Variants in ZNF785 observed in about 807,000 individuals in gnomAD.
The protein encoded by ZNF785 is zinc finger protein 785.
ZNF785 carries 15 observed loss-of-function variants against 11.3 expected under a neutral mutation model. That is an observed-to-expected ratio of 1.32 (90% CI 0.89 to 2.04). The LOEUF (loss-of-function observed/expected upper bound fraction) is 2.04, where lower values mean the gene tolerates loss of function less well. Ranked by LOEUF, ZNF785 falls within the 30% of genes most tolerant of loss-of-function variation. The pLI, the probability that ZNF785 is intolerant of heterozygous loss-of-function variation, is 0.00. For missense variants in ZNF785, 572 were observed against 560.9 expected (o/e 1.02, Z -0.20); for synonymous variants, 221 against 231.0 (o/e 0.96, Z 0.39).
downstream of ZNF785, among the ~76,000 whole-genome samples, chr16:30,580,423 C>T (rs1232376700): frequency 2.0e-5 from 3 of 147,092 alleles, no homozygotes; most frequent in Admixed American, 6.8e-5. Context: ...GGCGCAGTCT[C>T]GGCTCACTGC....
chr16:30,585,299 T>C lies in ZNF785; in HGVS notation c.206-49A>G, dbSNP rs764719142. 6.2e-7 allele frequency: 1 copy of C among 1,605,082 alleles called. No homozygotes were observed. Among genetic ancestry groups the C allele is most frequent in the Admixed American group, 1.7e-5 (1 of 59,294 alleles). ...CGGCTGAGCGCACGGGAGGGGAGAATGAGACTGCTCCCTCGGCGCCCCGCT... is the reference window on the plus strand; with the variant it reads ...CGGCTGAGCGCACGGGAGGGGAGAACGAGACTGCTCCCTCGGCGCCCCGCT... On this transcript the variant is annotated intron_variant, in intron 1 of 2. Coordinates refer to ENST00000395216, the MANE Select transcript of ZNF785 (RefSeq NM_152458.7). This position sits in a 1 kb window ranked among gnomAD's most constrained non-coding sequence, Gnocchi z 4.0.
downstream of ZNF785, among the ~76,000 whole-genome samples, chr16:30,580,381 G>A (rs1465709263): frequency 7.0e-6 from 1 of 143,556 alleles, no homozygotes; most frequent in Non-Finnish European, 1.5e-5. Flanking sequence ...TTGAGACGGA[G>A]TCTCGCTCTG....
Position 30,585,482 on chromosome 16 carries a change from C to A in ZNF785, c.130G>T (p.Glu44Ter). 6.2e-7 allele frequency: 1 copy of A among 1,603,738 alleles called. No individual in the cohort carries two copies. ...GCCCTCTGCGCTGGCCGCAGGCATTCCCACTCCTCGGGAGAGAAGTACACG... is the reference window on the plus strand; with the variant it reads ...GCCCTCTGCGCTGGCCGCAGGCATTACCACTCCTCGGGAGAGAAGTACACG... ...VAVYFSPEEW[E>*]CLRPAQRALY... Residue 44 changes from glutamate to a stop codon, truncating the protein, a stop_gained, in exon 1 of 3, where the codon GAA (glutamate) becomes TAA (stop). Transcript: ENST00000395216. LOFTEE classifies it high-confidence loss of function. This position sits in a 1 kb window ranked among gnomAD's most constrained non-coding sequence, Gnocchi z 4.0.
rs1045814600 is a variant in ZNF785, at chr16:30,582,920, G to A, written c.858C>T (p.Cys286=). The change falls in exon 3 of 3, where the codon TGC becomes TGT. Residue 286 remains cysteine, a synonymous_variant. Transcript: ENST00000395216. ...AGGCGAAACGGAGGCTGCAATCGGGGCAGCTGTAGGGCTTCTCGCCCGTGT... is the reference window on the plus strand; with the variant it reads ...AGGCGAAACGGAGGCTGCAATCGGGACAGCTGTAGGGCTTCTCGCCCGTGT... ...RKHTGEKPYS[C]PDCSLRFAYT... is the part of the protein sequence containing the mutation. 4.3e-6 allele frequency: 7 copies of A among 1,613,952 alleles called. No homozygotes were observed. The highest frequency in any genetic ancestry group is 1.6e-4 in the Middle Eastern group (1 of 6,062).
At chr16:30,583,612 T>A in intron 2 of ZNF785, 169 bp from the exon 3 acceptor site, 1 of 813,590 alleles carries the variant, frequency 1.2e-6, no homozygotes, top group Non-Finnish European at 1.8e-6. Flanking sequence ...AGGGGCCTCA[T>A]GAAGCCCTGA....
In ZNF785 at chr16:30,585,440, T is replaced by A. The variant is rs2151238534; in HGVS notation, c.172A>T (p.Met58Leu). 2 of 1,600,380 alleles carry A rather than the reference T, an allele frequency of 1.2e-6. No homozygotes were observed. Among genetic ancestry groups the A allele is most frequent in the South Asian group, 2.2e-5 (2 of 89,466 alleles). ...CCCAGGTGGCCGAAGGTCTCCCGCATCACGTCCCGGTACAGGGCCCTCTGC... is the reference window on the plus strand; with the variant it reads ...CCCAGGTGGCCGAAGGTCTCCCGCAACACGTCCCGGTACAGGGCCCTCTGC... ...PAQRALYRDV[M>L]RETFGHLGAL... The change falls in exon 1 of 3, where the codon ATG (methionine) becomes TTG (leucine). Residue 58 changes from methionine (M) to leucine (L), a missense_variant. By Grantham distance (15) the Met-to-Leu change is conservative. Coordinates refer to ENST00000395216, the MANE Select transcript of ZNF785 (RefSeq NM_152458.7). This position sits in a 1 kb window ranked among gnomAD's most constrained non-coding sequence, Gnocchi z 4.0.
chr16:30,585,636 G>A lies in ZNF785; in HGVS notation c.-25C>T, dbSNP rs1426288999. 8 of 1,455,684 alleles carry A rather than the reference G, an allele frequency of 5.5e-6. No individual in the cohort carries two copies. Among genetic ancestry groups the A allele is most frequent in the South Asian group, 1.4e-5 (1 of 70,014 alleles). 90.2% of individuals were successfully genotyped at this position (1,455,684 alleles called of 1,614,324 possible). A position where few individuals can be genotyped will look rare whatever the true frequency, so the allele number is the denominator to read the frequency against. ...TGGGAAACCCTTTCTGCCTGGCAAA[G>A]GGAGGCTTCCGGGGAAGGTGGAGAT... On this transcript the variant is annotated 5_prime_UTR_variant, in exon 1 of 3. Coordinates refer to ENST00000395216, the MANE Select transcript of ZNF785 (RefSeq NM_152458.7). The surrounding 1 kb of genome is among the most constrained non-coding windows in gnomAD (Gnocchi z 4.0).
rs779108486 is a variant in ZNF785 at position 30,582,594 on chromosome 16, C to G, written c.1184G>C (p.Arg395Pro). 1 of 1,613,966 alleles carries G rather than the reference C, an allele frequency of 6.2e-7. No individual in the cohort carries two copies. Among genetic ancestry groups the G allele is most frequent in the Admixed American group, 1.7e-5 (1 of 59,996 alleles). Residue 395 changes from arginine (R) to proline (P), a missense_variant, in exon 3 of 3, where the codon CGG (arginine) becomes CCG (proline). Coordinates refer to ENST00000395216, the MANE Select transcript of ZNF785 (RefSeq NM_152458.7). Reference protein sequence around the residue: ...LGGKDPPVHFRHFPDIFQECG With the variant: ...LGGKDPPVHFPHFPDIFQECG ...CTCTTGAAATATATCTGGAAAGTGCCGGAAGTGAACTGGGGGATCCTTGCC... is the reference window on the plus strand; with the variant it reads ...CTCTTGAAATATATCTGGAAAGTGCGGGAAGTGAACTGGGGGATCCTTGCC...
At position 30,583,144 on chromosome 16, in the gene ZNF785, G is replaced by T. The variant is rs61745796; in HGVS notation, c.634C>A (p.Arg212Ser). The T allele has an allele frequency of 6.2e-7, 1 of 1,613,836 alleles. No homozygotes were observed. The highest frequency in any genetic ancestry group is 1.1e-5 in the South Asian group (1 of 91,078). ...AACTGATGCTGGAGCAGGTACCTGC[G>T]CTGGGAGAAACGCGCCTGACACTGG... is the stretch of plus-strand genomic sequence containing the variant. ...CGQCQARFSQ[R>S]RYLLQHQFIH... The change falls in exon 3 of 3, where the codon CGC (arginine) becomes AGC (serine). Residue 212 changes from arginine to serine, a missense_variant. By Grantham distance (110) the Arg-to-Ser change is moderately radical. Coordinates refer to ENST00000395216, the MANE Select transcript of ZNF785 (RefSeq NM_152458.7).
chr16:30,585,481 T>TC lies in ZNF785; in HGVS notation c.130dup (p.Glu44GlyfsTer55). Reference sequence around the variant, plus strand: ...GGCCCTCTGCGCTGGCCGCAGGCATTCCCACTCCTCGGGAGAGAAGTACAC... The same window carrying TC: ...GGCCCTCTGCGCTGGCCGCAGGCATTCCCCACTCCTCGGGAGAGAAGTACAC... On this transcript the variant is annotated frameshift_variant, in exon 1 of 3. Coordinates refer to ENST00000395216, the MANE Select transcript of ZNF785 (RefSeq NM_152458.7). LOFTEE classifies it high-confidence loss of function. This position sits in a 1 kb window ranked among gnomAD's most constrained non-coding sequence, Gnocchi z 4.0. 2 of 1,603,886 alleles carry TC rather than the reference T, an allele frequency of 1.2e-6. No homozygotes were observed. The highest frequency in any genetic ancestry group is 1.7e-6 in the Non-Finnish European group (2 of 1,175,802).
chr16:30,583,243 G>C lies in ZNF785; in HGVS notation c.535C>G (p.Arg179Gly), dbSNP rs548113380. ...RLPHSCPDCG[R>G]NFSYPSLLAS... ...AGGAGGGAAGGGTAGCTGAAGTTGC[G>C]GCCACAGTCTGGGCAAGAGTGGGGC... Residue 179 changes from arginine (R) to glycine (G), a missense_variant, in exon 3 of 3, where the codon CGC becomes GGC. Transcript: ENST00000395216. 1.2e-6 allele frequency: 2 copies of C among 1,613,762 alleles called. No individual in the cohort carries two copies. The highest frequency in any genetic ancestry group is 2.7e-5 in the African/African-American group (2 of 75,050).
rs754990455 is a variant in ZNF785 at position 30,582,548 on chromosome 16, G to GT, written c.*11dup. ...TCTCCAGGGAAACGCTGACCAGTTT[G>GT]TGTGAACGCCATCACCCACACTCTT... On this transcript the variant is annotated 3_prime_UTR_variant, in exon 3 of 3. Transcript: ENST00000395216. 2 of 1,613,416 alleles carry GT rather than the reference G, an allele frequency of 1.2e-6. No homozygotes were observed. The highest frequency in any genetic ancestry group is 4.5e-5 in the East Asian group (2 of 44,876).
At chr16:30,579,770 T>A, downstream of ZNF785, 1 of 455,986 alleles carries the variant, frequency 2.2e-6, no homozygotes, top group Non-Finnish European at 4.4e-6. Context: ...AGTCCTGGAA[T>A]GCAGAAATGC....
At chr16:30,580,303 T>C (rs1392759632), downstream of ZNF785, among the ~76,000 whole-genome samples, 2 of 147,912 alleles carry the variant, frequency 1.4e-5, no homozygotes, top group African/African-American at 5.0e-5. Context: ...TTCTTCTGCC[T>C]CAGCCTCCCA....
At position 30,585,638 on chromosome 16, in the gene ZNF785, G is replaced by T. The variant is rs2151238751; in HGVS notation, c.-27C>A. On this transcript the variant is annotated 5_prime_UTR_variant, in exon 1 of 3. Coordinates refer to ENST00000395216, the MANE Select transcript of ZNF785 (RefSeq NM_152458.7). The surrounding 1 kb of genome is among the most constrained non-coding windows in gnomAD (Gnocchi z 4.0). Reference sequence around the variant, plus strand: ...GGAAACCCTTTCTGCCTGGCAAAGGGAGGCTTCCGGGGAAGGTGGAGATGC... The same window carrying T: ...GGAAACCCTTTCTGCCTGGCAAAGGTAGGCTTCCGGGGAAGGTGGAGATGC... The T allele has an allele frequency of 1.4e-6, 2 of 1,454,852 alleles. No homozygotes were observed. The highest frequency in any genetic ancestry group is 5.0e-5 in the East Asian group (2 of 39,944). 90.1% of individuals were successfully genotyped at this position (1,454,852 alleles called of 1,614,324 possible). A position where few individuals can be genotyped will look rare whatever the true frequency, so the allele number is the denominator to read the frequency against.
rs1209304832 is a variant in ZNF785 at position 30,581,724 on chromosome 16, G to C, written c.*836C>G. ...CTGTCCTCTCTATGGCCACCTCTAG[G>C]TCTTCAAGACCAAGGAACACCTACA... On this transcript the variant is annotated 3_prime_UTR_variant, in exon 3 of 3. Coordinates refer to ENST00000395216, the MANE Select transcript of ZNF785 (RefSeq NM_152458.7). 2 of 152,170 alleles carry C rather than the reference G, an allele frequency of 1.3e-5. No individual in the cohort carries two copies. The highest frequency in any genetic ancestry group is 2.4e-5 in the African/African-American group (1 of 41,428). 9.4% of individuals were successfully genotyped at this position (152,170 alleles called of 1,614,324 possible).
At chr16:30,584,393 T>C (rs923452736) in intron 2 of ZNF785, among the ~76,000 whole-genome samples, 9 of 152,168 alleles carry the variant, frequency 5.9e-5, no homozygotes, top group African/African-American at 1.7e-4. Context: ...GACTTACGCC[T>C]GTAATCCCAG....
In ZNF785 at chr16:30,585,175, T is replaced by A; in HGVS notation, c.281A>T (p.Asp94Val). Residue 94 changes from aspartate to valine, a missense_variant, in exon 2 of 3, where the codon GAT (aspartate) becomes GTT (valine). Transcript: ENST00000395216. This position sits in a 1 kb window ranked among gnomAD's most constrained non-coding sequence, Gnocchi z 4.0. Reference protein sequence around the residue: ...EVEAWSPEAQDPDGESSAAFS... With the variant: ...EVEAWSPEAQVPDGESSAAFS... Reference sequence around the variant, plus strand: ...AGCTGCAGAGCTCTCACCGTCGGGATCCTGGGCCTCCGGGCTCCACGCCTC... The same window carrying A: ...AGCTGCAGAGCTCTCACCGTCGGGAACCTGGGCCTCCGGGCTCCACGCCTC... The A allele has an allele frequency of 6.2e-7, 1 of 1,614,122 alleles. No individual in the cohort carries two copies. Among genetic ancestry groups the A allele is most frequent in the Non-Finnish European group, 8.5e-7 (1 of 1,179,982 alleles).
At chr16:30,580,595 T>C (rs2051796077), downstream of ZNF785, 1 of 151,770 alleles carries the variant, frequency 6.6e-6, no homozygotes, top group East Asian at 1.9e-4. Flanking sequence ...GACCTCGTGA[T>C]CTGCCCGCCT....
Sources: allele counts gnomAD v4.1 joint callset (sites outside exome capture counted in the v4.1 genomes callset), GRCh38; gene constraint gnomAD v4.1.1; non-coding constraint Gnocchi (gnomAD v3.1); transcripts MANE v1.5; gene names NCBI Gene and HGNC (gene_info 2026-07-23, HGNC 2026-07-21).